Variants in COL19A1 observed in about 807,000 individuals in gnomAD.
COL19A1 encodes collagen alpha-1(XIX) chain.
A neutral mutation model predicts 190.2 loss-of-function variants in COL19A1; 159 were observed. That is an observed-to-expected ratio of 0.84 (90% CI 0.73 to 0.95). The LOEUF is 0.95. Among genes scored for constraint, COL19A1 ranks in the 40% least tolerant of loss-of-function variants. The pLI is 0.00. For synonymous variants in COL19A1, 509 were observed against 458.9 expected (o/e 1.11, Z -1.39); for missense variants, 1,418 against 1,431.9 (o/e 0.99, Z 0.16).
In COL19A1 at chr6:70,123,525, A is replaced by G. The variant is rs559444360; in HGVS notation, c.1341+1583A>G. ...CATGCACACGTATGTTTATTGTGGC[A>G]TTATTCACAATAGCAAAGACTTGGA... On this transcript the variant is annotated intron_variant, in intron 17 of 50. Transcript: ENST00000620364. 3.2e-3 allele frequency among the ~76,000 whole-genome samples: 441 copies of G among 139,032 alleles called. 2 individuals carry two copies. Among genetic ancestry groups the G allele is most frequent in the African/African-American group, 0.012 (417 of 34,926 alleles). The allele number at this position is 139,032 out of a possible 152,430, so 91.2% of individuals were successfully genotyped here.
chr6:69,948,739 TTTTG>T lies in COL19A1; in HGVS notation c.936+10643_936+10646del, dbSNP rs1773963204. On this transcript the variant is annotated intron_variant, in intron 9 of 50. Transcript: ENST00000620364. ...GACAGGCACTACTCAGAACTAAAAATTTTGTTTCTTTTCCCAGAAGTCCACTTTT... is the reference window on the plus strand; with the variant it reads ...GACAGGCACTACTCAGAACTAAAAATTTTCTTTTCCCAGAAGTCCACTTTT... Among the ~76,000 whole-genome samples, 4 of 151,786 alleles carry T rather than the reference TTTTG, an allele frequency of 2.6e-5. No individual in the cohort carries two copies. The South Asian group carries it at 8.3e-4, about 31-fold the overall frequency.
chr6:70,130,995 ATAGTTTTAAAAC>A, intron 18 of COL19A1: 1 of 450,646 alleles, frequency 2.2e-6, no homozygotes, highest in Non-Finnish European at 4.6e-6. Flanking sequence ...TTATTTCAAA[ATAGTTTTAAAAC>A]TAAGACACTG....
intron 17 of COL19A1, among the ~76,000 whole-genome samples, chr6:70,125,070 C>T (rs1468644581): frequency 6.7e-6 from 1 of 150,234 alleles, no homozygotes; most frequent in Admixed American, 6.7e-5. Context: ...TTGTCTCCAC[C>T]ACCTACCCCT....
chr6:70,016,876 A>T (rs973140925), intron 11 of COL19A1, among the ~76,000 whole-genome samples: 3 of 152,130 alleles, frequency 2.0e-5, no homozygotes, highest in Non-Finnish European at 4.4e-5. Context: ...TGGTGAGAAT[A>T]TGTGGAAATC....
At chr6:70,066,058 A>G (rs557401422) in intron 14 of COL19A1, among the ~76,000 whole-genome samples, 213 of 152,348 alleles carry the variant, frequency 1.4e-3, no homozygotes, top group African/African-American at 4.9e-3. Flanking sequence ...TCAGGGATCT[A>G]GAACTAGAAA....
chr6:70,090,026 C>T (rs1782807951), intron 15 of COL19A1, among the ~76,000 whole-genome samples: 1 of 151,808 alleles, frequency 6.6e-6, no homozygotes. Context: ...AAAAAATTAA[C>T]AATTTGCTAA....
intron 14 of COL19A1, among the ~76,000 whole-genome samples, chr6:70,043,839 C>A (rs1212438037): frequency 6.6e-6 from 1 of 152,130 alleles, no homozygotes; most frequent in Non-Finnish European, 1.5e-5. Context: ...TTGGCTTTAC[C>A]TTAAAGTCAC....
intron 2 of COL19A1, among the ~76,000 whole-genome samples, chr6:69,898,271 A>G (rs1158814152): frequency 6.6e-6 from 1 of 152,202 alleles, no homozygotes; most frequent in Non-Finnish European, 1.5e-5. Flanking sequence ...AGCCTGATTC[A>G]ATTTAAACAT....
At chr6:70,183,019 A>G (rs1013543118) in intron 44 of COL19A1, among the ~76,000 whole-genome samples, 1 of 152,142 alleles carries the variant, frequency 6.6e-6, no homozygotes, top group Non-Finnish European at 1.5e-5. Context: ...TTAGTGAAAG[A>G]AGAATGGAGG....
At chr6:69,967,561 C>T (rs1775187532) in intron 11 of COL19A1, among the ~76,000 whole-genome samples, 1 of 152,142 alleles carries the variant, frequency 6.6e-6, no homozygotes, top group African/African-American at 2.4e-5. Context: ...AATGCAAACA[C>T]AAAACTAACA....
Position 69,954,974 on chromosome 6 carries a change from C to T in COL19A1, c.937-5022C>T, listed in dbSNP as rs892147883. On this transcript the variant is annotated intron_variant, in intron 9 of 50. Coordinates refer to ENST00000620364, the MANE Select transcript of COL19A1 (RefSeq NM_001858.6). The stretch of plus-strand genomic sequence containing the variant: ...ATTAGGAGCTGACTGATGACACTGT[C>T]CTTCTCTTTATATCTTAAATCATCT... Among the ~76,000 whole-genome samples, 5 of 152,136 alleles carry T rather than the reference C, an allele frequency of 3.3e-5. No homozygotes were observed. In the East Asian group the frequency reaches 5.8e-4, roughly 18 times the overall value.
At chr6:70,206,752 T>C in intron 49 of COL19A1, 149 bp from the exon 50 acceptor site, 1 of 575,236 alleles carries the variant, frequency 1.7e-6, no homozygotes, top group Non-Finnish European at 2.9e-6. Flanking sequence ...GTTTAATATG[T>C]GGTTAATGCA....
At chr6:70,050,645 T>C (rs1050043639) in intron 14 of COL19A1, among the ~76,000 whole-genome samples, 10 of 152,220 alleles carry the variant, frequency 6.6e-5, no homozygotes, top group South Asian at 4.1e-4. Context: ...CATCACTTAC[T>C]TGGATATCAT....
chr6:69,920,914 ATATATTCATATG>A (rs1561995965), intron 4 of COL19A1, among the ~76,000 whole-genome samples: 17 of 141,512 alleles, frequency 1.2e-4, no homozygotes, highest in Non-Finnish European at 1.7e-4. Flanking sequence ...ATATTCATCT[ATATATTCATATG>A]TATATTCATA....
At chr6:69,993,943 T>G (rs1480611456) in intron 11 of COL19A1, among the ~76,000 whole-genome samples, 1 of 151,984 alleles carries the variant, frequency 6.6e-6, no homozygotes, top group Admixed American at 6.6e-5. Flanking sequence ...TTTTTGCATC[T>G]CTATTTCCTT....
At chr6:69,898,819 A>T (rs1277419609) in intron 2 of COL19A1, 129 bp from the exon 3 acceptor site, 2 of 630,160 alleles carry the variant, frequency 3.2e-6, no homozygotes, top group Non-Finnish European at 5.5e-6. Flanking sequence ...TAATGTTCTT[A>T]TCCTCATTTT....
intron 11 of COL19A1, among the ~76,000 whole-genome samples, chr6:69,965,336 C>A (rs1775029706): frequency 6.6e-6 from 1 of 152,166 alleles, no homozygotes; most frequent in African/African-American, 2.4e-5. Context: ...ATTACATCAA[C>A]TGCAAAAGGT....
intron 15 of COL19A1, among the ~76,000 whole-genome samples, chr6:70,090,083 CAGG>C (rs1428000509): frequency 1.3e-5 from 2 of 151,732 alleles, no homozygotes; most frequent in African/African-American, 4.8e-5. Flanking sequence ...GAGGCTGAGG[CAGG>C]AGGATACTTA....
At chr6:69,983,622 T>A (rs1776165825) in intron 11 of COL19A1, among the ~76,000 whole-genome samples, 1 of 152,136 alleles carries the variant, frequency 6.6e-6, no homozygotes, top group Non-Finnish European at 1.5e-5. Flanking sequence ...TTTCTTAGAA[T>A]ATGAATATTG....
Sources: allele counts gnomAD v4.1 joint callset (sites outside exome capture counted in the v4.1 genomes callset), GRCh38; gene constraint gnomAD v4.1.1; transcripts MANE v1.5; gene names NCBI Gene and HGNC (gene_info 2026-07-23, HGNC 2026-07-21).